Variants in RNF38 observed in about 807,000 individuals in gnomAD.
RNF38 encodes the protein E3 ubiquitin-protein ligase RNF38.
A neutral mutation model predicts 67.2 loss-of-function variants in RNF38; 15 were observed. The observed-to-expected ratio is 0.22, with a 90% CI of 0.15 to 0.34. The LOEUF (loss-of-function observed/expected upper bound fraction) is 0.34. Ranked by LOEUF, RNF38 falls within the 10% of genes least tolerant of loss-of-function variation. The pLI is 1.00. For synonymous variants in RNF38, 220 were observed against 218.8 expected (o/e 1.01, Z -0.05); for missense variants, 524 against 639.9 (o/e 0.82, Z 1.95).
At chr9:36,394,378 A>C (rs1371631651) in intron 1 of RNF38, among the ~76,000 whole-genome samples, 2 of 152,248 alleles carry the variant, frequency 1.3e-5, no homozygotes, top group Non-Finnish European at 2.9e-5. Context: ...ATTGTAAGGA[A>C]ATATTTGTGT....
intron 2 of RNF38, among the ~76,000 whole-genome samples, chr9:36,408,480 C>G (rs1365068336): frequency 6.6e-6 from 1 of 152,098 alleles, no homozygotes; most frequent in Admixed American, 6.5e-5. Flanking sequence ...GAACTTGGAC[C>G]AGTATACTTT....
intron 1 of RNF38, among the ~76,000 whole-genome samples, chr9:36,484,693 C>T (rs1840360246): frequency 6.6e-6 from 1 of 152,132 alleles, no homozygotes; most frequent in Admixed American, 6.5e-5. Context: ...CACATATGGG[C>T]ATAGCCACAA....
chr9:36,444,402 T>C (rs1431127506), intron 1 of RNF38, among the ~76,000 whole-genome samples: 2 of 152,188 alleles, frequency 1.3e-5, no homozygotes, highest in Non-Finnish European at 2.9e-5. Context: ...CAAACCACCA[T>C]GTCACACGTT....
chr9:36,428,404 C>A (rs1375881923), intron 1 of RNF38, among the ~76,000 whole-genome samples: 3 of 150,440 alleles, frequency 2.0e-5, no homozygotes, highest in African/African-American at 2.5e-5. Context: ...CAGAGCAAGA[C>A]CCTGTCTCAA....
chr9:36,482,979 A>T (rs1205752712), intron 1 of RNF38, among the ~76,000 whole-genome samples: 1 of 152,220 alleles, frequency 6.6e-6, no homozygotes, highest in Non-Finnish European at 1.5e-5. Context: ...GTTCCACACC[A>T]GGTACTCATC....
At position 36,400,131 on chromosome 9, in the gene RNF38, T is replaced by C; in HGVS notation, c.-23A>G. 1.2e-6 allele frequency: 2 copies of C among 1,612,284 alleles called. No homozygotes were observed. The highest frequency in any genetic ancestry group is 1.7e-6 in the Non-Finnish European group (2 of 1,179,200). On this transcript the variant is annotated 5_prime_UTR_variant, in exon 1 of 12. Transcript: ENST00000259605. The stretch of plus-strand genomic sequence containing the variant: ...CATACAGACGTAAACAAAAACTTTA[T>C]TTCTTTTTGGACCTCAATAACCTGA...
At chr9:36,374,064 T>C (rs1452783512) in intron 3 of RNF38, among the ~76,000 whole-genome samples, 1 of 152,212 alleles carries the variant, frequency 6.6e-6, no homozygotes, top group Non-Finnish European at 1.5e-5. Flanking sequence ...GCCTTAACTT[T>C]GCAATAACTA....
chr9:36,465,084 T>C (rs1839828907), intron 1 of RNF38, among the ~76,000 whole-genome samples: 1 of 152,146 alleles, frequency 6.6e-6, no homozygotes, highest in African/African-American at 2.4e-5. Context: ...AGGAGGGCTA[T>C]AATCAAAAAG....
At chr9:36,393,523 G>GTGTGTGTGTGTGT (rs1554689616) in intron 1 of RNF38, among the ~76,000 whole-genome samples, 11 of 83,578 alleles carry the variant, frequency 1.3e-4, no homozygotes, top group East Asian at 3.1e-4. Context: ...GTGTGTGTGT[G>GTGTGTGTGTGTGT]GGGCAGGCAG....
Position 36,338,870 on chromosome 9 carries a change from A to G in RNF38, c.*882T>C, listed in dbSNP as rs1460555420. 2.6e-5 allele frequency: 4 copies of G among 152,664 alleles called. No individual in the cohort carries two copies. Among genetic ancestry groups the G allele is most frequent in the South Asian group, 2.1e-4 (1 of 4,834 alleles). The allele number at this position is 152,664 out of a possible 1,614,324, so 9.5% of individuals were successfully genotyped here. A position where few individuals can be genotyped will look rare whatever the true frequency, so the allele number is the denominator to read the frequency against. On this transcript the variant is annotated 3_prime_UTR_variant, in exon 12 of 12. Transcript: ENST00000259605. ...AATGCTAATATTGCTAACTGATGAT[A>G]TATGATATTGCACCTTCTTTTTGGA...
intron 1 of RNF38, among the ~76,000 whole-genome samples, chr9:36,465,260 AG>A (rs1839833416): frequency 6.6e-6 from 1 of 152,250 alleles, no homozygotes; most frequent in African/African-American, 2.4e-5. Context: ...ACTCCTACAT[AG>A]GGGTGGGTTC....
chr9:36,411,517 A>T (rs993280879), intron 2 of RNF38, among the ~76,000 whole-genome samples: 1 of 152,202 alleles, frequency 6.6e-6, no homozygotes. Context: ...AAGCAACCCC[A>T]AGTATTTATC....
chr9:36,415,856 A>C (rs918732110), intron 2 of RNF38, among the ~76,000 whole-genome samples: 1 of 152,012 alleles, frequency 6.6e-6, no homozygotes, highest in African/African-American at 2.4e-5. Context: ...TGTTACAGGC[A>C]GTGGAATTTG....
chr9:36,376,015 T>C lies in RNF38; in HGVS notation c.275A>G (p.Asn92Ser), dbSNP rs1427891538. Residue 92 changes from asparagine (N) to serine (S), a missense_variant, in exon 3 of 12, where the codon AAT (asparagine) becomes AGT (serine). Transcript: ENST00000259605. ...PPMRPWEMTSNRQPPSVRPSQ... is the reference protein window; with the variant it reads ...PPMRPWEMTSSRQPPSVRPSQ... ...TGGTCGAACTGAAGGGGGCTGCCTA[T>C]TTGATGTCATCTCCCATGGTCGCAT... is the stretch of plus-strand genomic sequence containing the variant. The C allele has an allele frequency of 2.5e-6, 4 of 1,613,472 alleles. No homozygotes were observed.
chr9:36,400,922 GCACCCCGCCT>G, upstream of RNF38: 36 of 879,248 alleles, frequency 4.1e-5, no homozygotes, highest in East Asian at 8.7e-4. Context: ...GCGCCCCGCC[GCACCCCGCCT>G]CACCCCGCCT....
At chr9:36,457,897 T>C (rs1380848227) in intron 1 of RNF38, among the ~76,000 whole-genome samples, 1 of 152,012 alleles carries the variant, frequency 6.6e-6, no homozygotes, top group Non-Finnish European at 1.5e-5. Flanking sequence ...TCCCTAAAAC[T>C]GTACACAAAA....
intron 1 of RNF38, among the ~76,000 whole-genome samples, chr9:36,460,191 G>T (rs967251601): frequency 6.6e-6 from 1 of 152,102 alleles, no homozygotes; most frequent in African/African-American, 2.4e-5. Context: ...CCTACAAGAC[G>T]TTGAGGATTA....
intron 1 of RNF38, among the ~76,000 whole-genome samples, chr9:36,460,873 G>A (rs969386659): frequency 1.5e-5 from 2 of 136,240 alleles, no homozygotes; most frequent in East Asian, 2.1e-4. Flanking sequence ...GGCAACAAGA[G>A]GGAAACTCTC....
At position 36,339,700 on chromosome 9, in the gene RNF38, T is replaced by A. The variant is rs544904345; in HGVS notation, c.*52A>T. 7.1e-7 allele frequency: 1 copy of A among 1,406,296 alleles called. No homozygotes were observed. 87.1% of individuals were successfully genotyped at this position (1,406,296 alleles called of 1,614,324 possible). On this transcript the variant is annotated 3_prime_UTR_variant, in exon 12 of 12. Coordinates refer to ENST00000259605, the MANE Select transcript of RNF38 (RefSeq NM_022781.5). ...CAGATTAAGTTCAATGGATAGTCCG[T>A]ATATACATGTGATGAGGAACACCCA...
Sources: gnomAD v4.1 joint callset for allele counts (sites outside exome capture counted in the v4.1 genomes callset) on GRCh38, gnomAD v4.1.1 for gene constraint, MANE v1.5 for transcripts, NCBI Gene and HGNC (gene_info 2026-07-23, HGNC 2026-07-21) for gene names.